The following LRRN2 variants were observed in gnomAD, a reference collection of about 807,000 sequenced individuals.
LRRN2 encodes leucine-rich repeat neuronal protein 2.
In LRRN2, 10 loss-of-function variants were observed where a neutral mutation model predicts 35.7. The observed-to-expected ratio is 0.28, with a 90% CI of 0.17 to 0.47. The LOEUF (loss-of-function observed/expected upper bound fraction) is 0.47, where lower values mean the gene tolerates loss of function less well. Ranked by LOEUF, LRRN2 falls within the 20% of genes least tolerant of loss-of-function variation. The probability of loss-of-function intolerance (pLI) is 0.99; values close to 1 mark genes in which losing one functional copy is unlikely to be tolerated. For synonymous variants in LRRN2, 391 were observed against 409.6 expected, an observed-to-expected ratio of 0.95 and a Z score of 0.55; for missense variants, 731 against 940.3, an observed-to-expected ratio of 0.78 and a Z score of 2.91.
intron 1 of LRRN2, among the ~76,000 whole-genome samples, chr1:204,653,505 C>A (rs115336943): frequency 2.0e-5 from 3 of 152,274 alleles, no homozygotes; most frequent in Non-Finnish European, 4.4e-5. Context: ...CTTGTATTAA[C>A]CCATATCAGC....
At position 204,619,621 on chromosome 1, in the gene LRRN2, T is replaced by C; in HGVS notation, c.372A>G (p.Leu124=). The C allele has an allele frequency of 6.2e-7, 1 of 1,614,158 alleles. No homozygotes were observed. Among genetic ancestry groups the C allele is most frequent in the Middle Eastern group, 1.6e-4 (1 of 6,062 alleles). The change falls in exon 2 of 2, where the codon CTA becomes CTG. Residue 124 remains leucine, a synonymous_variant. Coordinates refer to ENST00000367177, the MANE Select transcript of LRRN2 (RefSeq NM_201630.2). ...HALPQLLSLH[L]EENQLTRLED... Reference sequence around the variant, plus strand: ...CCAGCCGGGTCAGCTGGTTCTCCTCTAGGTGCAGGCTCAGCAGCTGGGGCA... The same window carrying C: ...CCAGCCGGGTCAGCTGGTTCTCCTCCAGGTGCAGGCTCAGCAGCTGGGGCA...
chr1:204,641,637 G>A (rs1667979645), intron 1 of LRRN2, among the ~76,000 whole-genome samples: 1 of 152,220 alleles, frequency 6.6e-6, no homozygotes, highest in African/African-American at 2.4e-5. Context: ...GCTCAGAGAA[G>A]TTAAGCAACT....
At chr1:204,657,049 A>G (rs978800654) in intron 1 of LRRN2, among the ~76,000 whole-genome samples, 6 of 152,202 alleles carry the variant, frequency 3.9e-5, no homozygotes, top group African/African-American at 1.4e-4. Flanking sequence ...TCACGTCTGT[A>G]ATCCCAGCAC....
intron 1 of LRRN2, among the ~76,000 whole-genome samples, chr1:204,655,483 G>A (rs1377316713): frequency 2.0e-5 from 3 of 151,950 alleles, no homozygotes; most frequent in African/African-American, 7.2e-5. Flanking sequence ...GTTTCTTAGA[G>A]AAGGGGTCTT....
chr1:204,680,820 C>A (rs187386860), intron 1 of LRRN2, among the ~76,000 whole-genome samples: 1 of 152,320 alleles, frequency 6.6e-6, no homozygotes, highest in East Asian at 1.9e-4. Context: ...ATGCACGATA[C>A]CTGTGCCCCA....
intron 1 of LRRN2, among the ~76,000 whole-genome samples, chr1:204,680,958 CT>C (rs377718032): frequency 4.0e-3 from 566 of 143,086 alleles, no homozygotes; most frequent in Middle Eastern, 7.3e-3. Flanking sequence ...CAGAGAGTCA[CT>C]TTTTTTTTTT....
chr1:204,664,398 C>T (rs1610400), intron 1 of LRRN2: 82,684 of 152,604 alleles, frequency 0.54, 23,666 homozygotes, highest in Non-Finnish European at 0.63. Context: ...ATTGCCTTGC[C>T]TGACCTCCTG....
chr1:204,647,883 A>G (rs1668144616), intron 1 of LRRN2, among the ~76,000 whole-genome samples: 1 of 152,256 alleles, frequency 6.6e-6, no homozygotes, highest in South Asian at 2.1e-4. Flanking sequence ...AATGTGAAAC[A>G]TCTCATTCAT....
At position 204,618,171 on chromosome 1, in the gene LRRN2, A is replaced by G. The variant is rs1409235379; in HGVS notation, c.1822T>C (p.Leu608=). The G allele has an allele frequency of 6.2e-6, 10 of 1,614,016 alleles. No individual in the cohort carries two copies. The highest frequency in any genetic ancestry group is 1.3e-5 in the African/African-American group (1 of 74,948). Reference sequence around the variant, plus strand: ...TTGGTCCTGGCCCATACACAAGCCAACTGGGTGTGGGCATCAGCAAAGGCC... The same window carrying G: ...TTGGTCCTGGCCCATACACAAGCCAGCTGGGTGTGGGCATCAGCAAAGGCC... ...QVAFADAHTQ[L]ACVWARTKEA... is the part of the protein sequence containing the mutation. The change falls in exon 2 of 2, where the codon TTG becomes CTG. Residue 608 remains leucine (L), a synonymous_variant. Coordinates refer to ENST00000367177, the MANE Select transcript of LRRN2 (RefSeq NM_201630.2).
At chr1:204,642,964 C>T (rs1307417030) in intron 1 of LRRN2, among the ~76,000 whole-genome samples, 3 of 152,150 alleles carry the variant, frequency 2.0e-5, no homozygotes, top group Non-Finnish European at 2.9e-5. Flanking sequence ...GACTGTTTTT[C>T]GGACATGGAG....
chr1:204,621,193 C>G (rs1419162930), intron 1 of LRRN2: 1 of 167,222 alleles, frequency 6.0e-6, no homozygotes, highest in Non-Finnish European at 1.5e-5. Context: ...AAGCCTGGGT[C>G]TGAGCTCCTC....
chr1:204,618,560 G>A lies in LRRN2; in HGVS notation c.1433C>T (p.Pro478Leu). 6.2e-7 allele frequency: 1 copy of A among 1,614,076 alleles called. No individual in the cohort carries two copies. The highest frequency in any genetic ancestry group is 8.5e-7 in the Non-Finnish European group (1 of 1,180,020). Reference sequence around the variant, plus strand: ...CCTCCGCAGCTCCAGGGTCCCCTCGGGGTACACCCGGTACCTCCTGCCTGC... The same window carrying A: ...CCTCCGCAGCTCCAGGGTCCCCTCGAGGTACACCCGGTACCTCCTGCCTGC... ...AHAGRRYRVY[P>L]EGTLELRRVT... is the part of the protein sequence containing the mutation. Residue 478 changes from proline (P) to leucine (L), a missense_variant, in exon 2 of 2, where the codon CCC becomes CTC. Pro to Leu is a moderately conservative substitution (Grantham distance 98). This residue lies in a region of LRRN2 where 256 missense variants were observed against 392.4 expected (regional missense o/e 0.65). Coordinates refer to ENST00000367177, the MANE Select transcript of LRRN2 (RefSeq NM_201630.2).
chr1:204,627,802 C>T (rs1667511571), intron 1 of LRRN2, among the ~76,000 whole-genome samples: 1 of 152,192 alleles, frequency 6.6e-6, no homozygotes, highest in South Asian at 2.1e-4. Context: ...CCCTAGTGTG[C>T]CTCCATCCTA....
chr1:204,650,350 T>C (rs1404767979), intron 1 of LRRN2, among the ~76,000 whole-genome samples: 3 of 152,230 alleles, frequency 2.0e-5, no homozygotes, highest in Non-Finnish European at 4.4e-5. Flanking sequence ...CCAGGTGCAT[T>C]GGCTTTGAAC....
chr1:204,625,007 G>A (rs1571623286), intron 1 of LRRN2, among the ~76,000 whole-genome samples: 1 of 152,242 alleles, frequency 6.6e-6, no homozygotes, highest in East Asian at 1.9e-4. Context: ...CCTCCTGGGA[G>A]GTAAGCCTGG....
At position 204,661,208 on chromosome 1, in the gene LRRN2, G is replaced by T. The variant is rs184292782; in HGVS notation, c.-227+24112C>A. On this transcript the variant is annotated intron_variant, in intron 1 of 1. Coordinates refer to ENST00000367177, the MANE Select transcript of LRRN2 (RefSeq NM_201630.2). ...AGAAGTGATACAATGTGGAGCAAAA[G>T]AATACAAATACTCCATTCACATGAA... 4.5e-3 allele frequency among the ~76,000 whole-genome samples: 681 copies of T among 152,264 alleles called. 4 individuals carry two copies. The highest frequency in any genetic ancestry group is 0.013 in the Admixed American group (201 of 15,296).
intron 1 of LRRN2, among the ~76,000 whole-genome samples, chr1:204,675,036 G>C (rs2102242601): frequency 6.6e-6 from 1 of 152,322 alleles, no homozygotes; most frequent in East Asian, 1.9e-4. Flanking sequence ...AACAGGAGTG[G>C]ACCGTGGGTT....
chr1:204,674,235 T>C (rs1041991668), intron 1 of LRRN2, among the ~76,000 whole-genome samples: 6 of 151,992 alleles, frequency 3.9e-5, no homozygotes, highest in African/African-American at 1.5e-4. Flanking sequence ...GCAGGATAAG[T>C]GTGCCTCTGT....
chr1:204,654,599 G>A (rs1056817203), intron 1 of LRRN2, among the ~76,000 whole-genome samples: 1 of 152,142 alleles, frequency 6.6e-6, no homozygotes, highest in African/African-American at 2.4e-5. Flanking sequence ...TCTCCCTGGC[G>A]GTACTCATAG....
Sources: gnomAD v4.1 joint callset for allele counts (sites outside exome capture counted in the v4.1 genomes callset) on GRCh38, gnomAD v4.1.1 for gene constraint, gnomAD v4.1.1 regional missense constraint, MANE v1.5 for transcripts, NCBI Gene and HGNC (gene_info 2026-07-23, HGNC 2026-07-21) for gene names.